Variants in IPO11 observed in about 807,000 individuals in gnomAD.
IPO11 encodes the protein importin-11.
IPO11 carries 66 observed loss-of-function variants against 143.2 expected under a neutral mutation model. The observed-to-expected ratio is 0.46, with a 90% CI of 0.38 to 0.57. The LOEUF (loss-of-function observed/expected upper bound fraction) is 0.57. Among genes scored for constraint, IPO11 ranks in the 20% least tolerant of loss-of-function variants. The pLI is 0.00. For synonymous variants in IPO11, 385 were observed against 377.8 expected, an observed-to-expected ratio of 1.02 and a Z score of -0.22; for missense variants, 1,026 against 1,141.0, an observed-to-expected ratio of 0.90 and a Z score of 1.45.
At chr5:62,569,378 AT>A (rs1744061667) in intron 27 of IPO11, among the ~76,000 whole-genome samples, 1 of 152,016 alleles carries the variant, frequency 6.6e-6, no homozygotes, top group South Asian at 2.1e-4. Flanking sequence ...TTGTGAAGGT[AT>A]TTTCTTGTCT....
chr5:62,490,025 T>C, intron 14 of IPO11, 90 bp from the exon 15 acceptor site: 2 of 593,840 alleles, frequency 3.4e-6, no homozygotes, highest in Non-Finnish European at 5.7e-6. Context: ...GCATATTGTG[T>C]GTTTCCTTTA....
chr5:62,459,367 A>G (rs900253872), intron 5 of IPO11, among the ~76,000 whole-genome samples: 1 of 150,312 alleles, frequency 6.7e-6, no homozygotes, highest in Non-Finnish European at 1.5e-5. Context: ...TCCTTCATTG[A>G]CATTTTTGAG....
chr5:62,501,712 T>TA (rs1322027751), intron 16 of IPO11, among the ~76,000 whole-genome samples: 2 of 152,222 alleles, frequency 1.3e-5, no homozygotes, highest in Non-Finnish European at 2.9e-5. Flanking sequence ...TAGTATTTCT[T>TA]ATGCCTAGCG....
At chr5:62,470,192 G>A (rs976820585) in intron 6 of IPO11, 58 bp from the exon 7 acceptor site, 1 of 1,499,080 alleles carries the variant, frequency 6.7e-7, no homozygotes, top group African/African-American at 1.4e-5. Flanking sequence ...TCTTTCTTGT[G>A]ATTGTAATTT....
intron 12 of IPO11, 100 bp from the exon 13 acceptor site, chr5:62,487,669 CAA>C (rs1746460839): frequency 1.7e-6 from 2 of 1,175,978 alleles, no homozygotes; most frequent in Middle Eastern, 3.2e-4. Context: ...GAAACATTTT[CAA>C]AGTTTTAGAA....
At position 62,500,737 on chromosome 5, in the gene IPO11, A is replaced by T. The variant is rs896514030; in HGVS notation, c.1591-3930A>T. On this transcript the variant is annotated intron_variant, in intron 16 of 29. Coordinates refer to ENST00000325324, the MANE Select transcript of IPO11 (RefSeq NM_016338.5). ...GCTCTCAAACTTTGAGCCTCAAGCA[A>T]TTCTCCCTTTGTGGCCTCCCAAAGT... is the stretch of plus-strand genomic sequence containing the variant. Among the ~76,000 whole-genome samples the T allele has an allele frequency of 3.3e-5, 5 of 152,142 alleles. No individual in the cohort carries two copies. In the South Asian group the frequency reaches 1.0e-3, roughly 31 times the overall value.
intron 5 of IPO11, among the ~76,000 whole-genome samples, chr5:62,454,096 C>T (rs1277063746): frequency 6.6e-6 from 1 of 152,146 alleles, no homozygotes; most frequent in Non-Finnish European, 1.5e-5. Flanking sequence ...GATTGCACCA[C>T]TGCACTCCAG....
rs1743543337 is a variant in IPO11, at chr5:62,555,479, A to AT, written c.2460+4145dup. Among the ~76,000 whole-genome samples, 306 of 137,250 alleles carry AT rather than the reference A, an allele frequency of 2.2e-3. 1 individual carries two copies. Among genetic ancestry groups the AT allele is most frequent in the East Asian group, 0.015 (74 of 4,780 alleles). The allele number at this position is 137,250 out of a possible 152,430, so 90.0% of individuals were successfully genotyped here. ...AGATGCGTGCCACCACACCTGGCTA[A>AT]TTATTTATTTATTTATTTATTTATT... On this transcript the variant is annotated intron_variant, in intron 26 of 29. Transcript: ENST00000325324.
chr5:62,550,023 C>G (rs1052976094), intron 24 of IPO11, among the ~76,000 whole-genome samples: 1 of 152,064 alleles, frequency 6.6e-6, no homozygotes, highest in African/African-American at 2.4e-5. Flanking sequence ...CTTTTTGCTG[C>G]CTCTATTAGT....
chr5:62,603,184 A>G (rs1745569350), intron 29 of IPO11, among the ~76,000 whole-genome samples: 1 of 152,254 alleles, frequency 6.6e-6, no homozygotes, highest in African/African-American at 2.4e-5. Context: ...ATAAAGATCC[A>G]AAACACTTCT....
chr5:62,523,510 TAGACTAGG>T (rs1256724977), intron 20 of IPO11, among the ~76,000 whole-genome samples: 1 of 144,378 alleles, frequency 6.9e-6, no homozygotes, highest in African/African-American at 2.5e-5. Flanking sequence ...TAAGGTCAAA[TAGACTAGG>T]AGACTGTTAA....
At chr5:62,517,272 A>C (rs1742056462) in intron 20 of IPO11, among the ~76,000 whole-genome samples, 1 of 152,200 alleles carries the variant, frequency 6.6e-6, no homozygotes, top group Non-Finnish European at 1.5e-5. Context: ...TACCTTATAA[A>C]GATTATGTCC....
At chr5:62,513,064 A>G (rs1323503877) in intron 19 of IPO11, among the ~76,000 whole-genome samples, 4 of 149,956 alleles carry the variant, frequency 2.7e-5, no homozygotes, top group African/African-American at 7.3e-5. Context: ...GAAAACCGCC[A>G]TCGTCATCAT....
intron 6 of IPO11, among the ~76,000 whole-genome samples, 162 bp from the exon 7 acceptor site, chr5:62,470,088 C>A (rs1745714519): frequency 6.6e-6 from 1 of 152,156 alleles, no homozygotes; most frequent in African/African-American, 2.4e-5. Flanking sequence ...GACTTTAGTT[C>A]CATTTTTCCC....
In IPO11 at chr5:62,598,383, GCTTGCTTGCTTTCTTT is replaced by G. The variant is rs1283012838; in HGVS notation, c.2679-3377_2679-3362del. ...GAAACGACCCATAAATTGTTTGCTT[GCTTGCTTGCTTTCTTT>G]CTTTCTTTCTTTCTTTCTTTCTTTC... On this transcript the variant is annotated intron_variant, in intron 28 of 29. Coordinates refer to ENST00000325324, the MANE Select transcript of IPO11 (RefSeq NM_016338.5). Among the ~76,000 whole-genome samples the G allele has an allele frequency of 4.8e-4, 13 of 27,346 alleles. 2 individuals are homozygous for G. In the East Asian group the frequency reaches 8.4e-3, roughly 18 times the overall value. The allele number at this position is 27,346 out of a possible 152,430, so 17.9% of individuals were successfully genotyped here. A position where few individuals can be genotyped will look rare whatever the true frequency, so the allele number is the denominator to read the frequency against.
At chr5:62,450,677 A>AC (rs397997966) in intron 4 of IPO11, among the ~76,000 whole-genome samples, 3 of 151,222 alleles carry the variant, frequency 2.0e-5, no homozygotes, top group Non-Finnish European at 4.4e-5. Flanking sequence ...AAAAAAAAAA[A>AC]CAACTCAGAA....
intron 29 of IPO11, among the ~76,000 whole-genome samples, chr5:62,618,685 TATTA>T (rs1292187618): frequency 6.6e-6 from 1 of 152,226 alleles, no homozygotes; most frequent in East Asian, 1.9e-4. Flanking sequence ...AGTTTTCCCA[TATTA>T]ATTTTACCAA....
At chr5:62,595,041 G>T (rs1377348550) in intron 28 of IPO11, among the ~76,000 whole-genome samples, 1 of 152,182 alleles carries the variant, frequency 6.6e-6, no homozygotes, top group Non-Finnish European at 1.5e-5. Flanking sequence ...ACGACAGAAG[G>T]GGTAGATGCT....
intron 1 of IPO11, among the ~76,000 whole-genome samples, chr5:62,432,449 G>A (rs1744027647): frequency 6.6e-6 from 1 of 152,202 alleles, no homozygotes; most frequent in African/African-American, 2.4e-5. Context: ...TTGGCTGGGA[G>A]TTAGGGTGAG....
Sources: allele counts gnomAD v4.1 joint callset (sites outside exome capture counted in the v4.1 genomes callset), GRCh38; gene constraint gnomAD v4.1.1; transcripts MANE v1.5; gene names NCBI Gene and HGNC (gene_info 2026-07-23, HGNC 2026-07-21).